Variants in ITCH observed in about 807,000 individuals in gnomAD.
ITCH encodes itchy E3 ubiquitin protein ligase.
ITCH carries 28 observed loss-of-function variants against 126.8 expected under a neutral mutation model. The ratio of observed to expected loss-of-function variants is 0.22; its 90% CI spans 0.16 to 0.30. ITCH has a LOEUF of 0.30. Ranked by LOEUF, ITCH falls within the 10% of genes least tolerant of loss-of-function variation. ITCH has a pLI of 1.00. For synonymous variants in ITCH, 342 were observed against 340.0 expected (o/e 1.01, Z -0.06); for missense variants, 631 against 1,032.4 (o/e 0.61, Z 5.33).
At chr20:34,498,877 A>G (rs376121930) in intron 23 of ITCH, among the ~76,000 whole-genome samples, 1 of 149,640 alleles carries the variant, frequency 6.7e-6, no homozygotes, top group Non-Finnish European at 1.5e-5. Flanking sequence ...TCTCTCTTCT[A>G]TTTTCTGGAA....
intron 14 of ITCH, among the ~76,000 whole-genome samples, chr20:34,464,891 A>G (rs764181486): frequency 6.6e-6 from 1 of 151,856 alleles, no homozygotes; most frequent in Non-Finnish European, 1.5e-5. Context: ...TCGTATTTTT[A>G]GTAGAGACGG....
chr20:34,395,131 G>A (rs188271861), intron 3 of ITCH, among the ~76,000 whole-genome samples: 16 of 151,892 alleles, frequency 1.1e-4, no homozygotes, highest in African/African-American at 3.9e-4. Flanking sequence ...TACTTGGGAG[G>A]CTGAGGCAGG....
chr20:34,485,108 A>G (rs1168963874), intron 20 of ITCH, among the ~76,000 whole-genome samples: 2 of 152,104 alleles, frequency 1.3e-5, no homozygotes, highest in African/African-American at 4.8e-5. Context: ...ATTCAGCCAT[A>G]TTGTTTATAT....
At chr20:34,432,525 A>T (rs974374035) in intron 7 of ITCH, among the ~76,000 whole-genome samples, 1 of 152,258 alleles carries the variant, frequency 6.6e-6, no homozygotes, top group Non-Finnish European at 1.5e-5. Flanking sequence ...CTTTAATTTT[A>T]AAAAGCATTA....
chr20:34,474,559 A>G (rs1467921266), intron 16 of ITCH, among the ~76,000 whole-genome samples: 1 of 152,162 alleles, frequency 6.6e-6, no homozygotes, highest in Non-Finnish European at 1.5e-5. Flanking sequence ...TCCCATGTAT[A>G]CTTCTTTCTG....
chr20:34,411,571 AGTTT>A (rs1245163824), intron 4 of ITCH, among the ~76,000 whole-genome samples: 1 of 152,184 alleles, frequency 6.6e-6, no homozygotes, highest in Non-Finnish European at 1.5e-5. Flanking sequence ...TGGAATTTTT[AGTTT>A]GTTTTATCTA....
chr20:34,416,224 C>T (rs1979826842), intron 6 of ITCH, among the ~76,000 whole-genome samples: 1 of 152,060 alleles, frequency 6.6e-6, no homozygotes, highest in Non-Finnish European at 1.5e-5. Context: ...CATGGAGAAA[C>T]CTCGTCTCTA....
chr20:34,455,547 C>T (rs979016540), intron 12 of ITCH, among the ~76,000 whole-genome samples: 2 of 151,332 alleles, frequency 1.3e-5, no homozygotes, highest in African/African-American at 4.9e-5. Flanking sequence ...ACTGTAACCT[C>T]TGCGTCCCGG....
chr20:34,396,175 C>T (rs896117601), intron 3 of ITCH, among the ~76,000 whole-genome samples: 3 of 151,050 alleles, frequency 2.0e-5, no homozygotes, highest in African/African-American at 4.9e-5. Flanking sequence ...CTGGGACTAC[C>T]GGCACGCACA....
At chr20:34,370,205 T>C (rs964511333) in intron 2 of ITCH, among the ~76,000 whole-genome samples, 3 of 152,134 alleles carry the variant, frequency 2.0e-5, no homozygotes, top group African/African-American at 7.2e-5. Context: ...ACTGACAAGC[T>C]GTGTGACTTT....
At chr20:34,471,673 GGTGTGTGTGTGTGTGTGT>G (rs10606931) in intron 16 of ITCH, among the ~76,000 whole-genome samples, 158 bp downstream of exon 16, 3 of 69,324 alleles carry the variant, frequency 4.3e-5, no homozygotes, top group African/African-American at 1.6e-4. Context: ...GGGCTTAAGG[GGTGTGTGTGTGTGTGTGT>G]GTGTGTGTGT....
chr20:34,398,598 C>T (rs2038758455), intron 3 of ITCH, among the ~76,000 whole-genome samples: 1 of 151,772 alleles, frequency 6.6e-6, no homozygotes, highest in Admixed American at 6.6e-5. Flanking sequence ...GGGTTTTCAC[C>T]ATGTTGGTCA....
intron 2 of ITCH, among the ~76,000 whole-genome samples, chr20:34,388,045 A>G (rs899505521): frequency 2.0e-5 from 3 of 151,828 alleles, no homozygotes; most frequent in African/African-American, 4.8e-5. Flanking sequence ...TCCAGTCACA[A>G]TGGTTTACAG....
chr20:34,380,880 C>G (rs550026329), intron 2 of ITCH, among the ~76,000 whole-genome samples: 1 of 151,934 alleles, frequency 6.6e-6, no homozygotes, highest in Admixed American at 6.5e-5. Context: ...CTCCACCTCC[C>G]GGGTTCAGGA....
intron 3 of ITCH, among the ~76,000 whole-genome samples, chr20:34,400,144 G>T (rs766401057): frequency 6.6e-6 from 1 of 151,934 alleles, no homozygotes; most frequent in Non-Finnish European, 1.5e-5. Flanking sequence ...TTATCATGTT[G>T]GCCAAGATGG....
intron 1 of ITCH, among the ~76,000 whole-genome samples, chr20:34,364,724 C>CAAAAAAAAAAAAAAAAAAAAA (rs1171765663): frequency 1.8e-4 from 8 of 45,554 alleles, no homozygotes; most frequent in East Asian, 6.5e-4. Context: ...ACTAAAAATA[C>CAAAAAAAAAAAAAAAAAAAAA]AAAAAAAAAA....
At chr20:34,364,619 G>A (rs1313226375) in intron 1 of ITCH, among the ~76,000 whole-genome samples, 1 of 150,678 alleles carries the variant, frequency 6.6e-6, no homozygotes, top group Non-Finnish European at 1.5e-5. Flanking sequence ...TGTGGCTCAC[G>A]CCTGTAATCC....
Position 34,412,651 on chromosome 20 carries a change from A to G in ITCH, c.337+12A>G. ...AAACAATATGAAACGTATGTATGTA[A>G]GACTAATAGAAATTGCACTTAGCTG... On this transcript the variant is annotated intron_variant, in intron 5 of 24. Transcript: ENST00000374864. The G allele has an allele frequency of 6.3e-7, 1 of 1,598,840 alleles. No homozygotes were observed. Among genetic ancestry groups the G allele is most frequent in the Non-Finnish European group, 8.6e-7 (1 of 1,167,034 alleles).
intron 24 of ITCH, 122 bp downstream of exon 24, chr20:34,504,525 C>T (rs1990499285): frequency 2.8e-6 from 2 of 717,848 alleles, no homozygotes; most frequent in Middle Eastern, 2.4e-4. Context: ...GCCATCATAG[C>T]AATCCAGTTT....
Sources: gnomAD v4.1 joint callset for allele counts (sites outside exome capture counted in the v4.1 genomes callset) on GRCh38, gnomAD v4.1.1 for gene constraint, MANE v1.5 for transcripts, NCBI Gene and HGNC (gene_info 2026-07-23, HGNC 2026-07-21) for gene names.